CSPG5: variants seen among roughly 807,000 people sequenced by gnomAD.
CSPG5 encodes the protein acidic leucine-rich EGF-like domain-containing brain protein.
In CSPG5, 25 loss-of-function variants were observed where a neutral mutation model predicts 39.8. That is an observed-to-expected ratio of 0.63 (90% CI 0.46 to 0.88). The LOEUF is 0.88. Among genes scored for constraint, CSPG5 ranks in the 40% least tolerant of loss-of-function variants. The probability of loss-of-function intolerance (pLI) is 0.00; values close to 1 mark genes in which losing one functional copy is unlikely to be tolerated. For missense variants in CSPG5, 627 were observed against 702.2 expected (o/e 0.89, Z 1.21); for synonymous variants, 295 against 303.9 (o/e 0.97, Z 0.31).
Position 47,577,034 on chromosome 3 carries a change from G to C in CSPG5, c.992C>G (p.Ser331Trp), listed in dbSNP as rs1420957003. ...GAGGGCGATGCTGCTGCCGGGGACC[G>C]ACCCCAGAGTGTGCTGTGGAGGGAC... ...HAVPPQHTLG[S>W]VPGSSIALRP... Residue 331 changes from serine to tryptophan, a missense_variant, in exon 2 of 5, where the codon TCG becomes TGG. Coordinates refer to ENST00000264723, the MANE Select transcript of CSPG5 (RefSeq NM_006574.4). The surrounding 1 kb of genome is among the most constrained non-coding windows in gnomAD (Gnocchi z 4.7). 3.7e-6 allele frequency: 6 copies of C among 1,612,832 alleles called. No individual in the cohort carries two copies. The highest frequency in any genetic ancestry group is 5.1e-6 in the Non-Finnish European group (6 of 1,179,538).
At position 47,576,928 on chromosome 3, in the gene CSPG5, A is replaced by G. The variant is rs750989919; in HGVS notation, c.1098T>C (p.His366=). The G allele has an allele frequency of 7.1e-5, 114 of 1,612,778 alleles. No individual in the cohort carries two copies. The highest frequency in any genetic ancestry group is 9.3e-5 in the Non-Finnish European group (110 of 1,179,242). Residue 366 remains histidine (H), a synonymous_variant, in exon 2 of 5, where the codon CAT becomes CAC. Transcript: ENST00000264723. The part of the protein sequence containing the change: ...GTECRSGFVR[H]NGSCRSVCDL... ...CGCACACTGACCGGCAGGAGCCGTT[A>G]TGCCGCACAAAGCCACTGCGGCACT... is the stretch of plus-strand genomic sequence containing the variant.
intron 3 of CSPG5, among the ~76,000 whole-genome samples, chr3:47,569,864 C>T (rs1003391098): frequency 2.6e-5 from 4 of 151,538 alleles, no homozygotes; most frequent in East Asian, 2.0e-4. Flanking sequence ...CTTTCCACCT[C>T]GGCCTCCCAA....
intron 3 of CSPG5, among the ~76,000 whole-genome samples, chr3:47,571,584 A>G (rs1227391024): frequency 6.6e-6 from 1 of 152,242 alleles, no homozygotes; most frequent in African/African-American, 2.4e-5. Flanking sequence ...GAGAGGCCGT[A>G]CCAGCCCCGC....
chr3:47,578,113 C>T lies in CSPG5; in HGVS notation c.98-185G>A. ...CCTCTAAGCCCCGTCCCGGAGTCTG[C>T]CCCCAAGACGAGGATCACACCCCGC... On this transcript the variant is annotated intron_variant, in intron 1 of 4. Coordinates refer to ENST00000264723, the MANE Select transcript of CSPG5 (RefSeq NM_006574.4). This position sits in a 1 kb window ranked among gnomAD's most constrained non-coding sequence, Gnocchi z 6.0. The T allele has an allele frequency of 1.1e-6, 1 of 927,712 alleles. No homozygotes were observed. The highest frequency in any genetic ancestry group is 1.4e-6 in the Non-Finnish European group (1 of 703,828). The allele number at this position is 927,712 out of a possible 1,614,324, so 57.5% of individuals were successfully genotyped here.
rs952263946 is a variant in CSPG5 at position 47,562,448 on chromosome 3, C to G, written c.*152G>C. The G allele has an allele frequency of 6.6e-6, 5 of 762,774 alleles. No homozygotes were observed. The African/African-American group carries it at 8.8e-5, about 13-fold the overall frequency. 47.3% of individuals were successfully genotyped at this position (762,774 alleles called of 1,614,324 possible). ...GCTTATTTTAAGTATTTTTTTGCCT[C>G]CTGTACAAAATACATAAAAGCATGC... On this transcript the variant is annotated 3_prime_UTR_variant, in exon 5 of 5. Coordinates refer to ENST00000264723, the MANE Select transcript of CSPG5 (RefSeq NM_006574.4).
chr3:47,575,580 G>A (rs573278756), intron 2 of CSPG5, among the ~76,000 whole-genome samples: 3 of 152,330 alleles, frequency 2.0e-5, no homozygotes, highest in Admixed American at 6.5e-5. Flanking sequence ...TCCCAAGGTA[G>A]ACAAACATCA....
chr3:47,572,592 C>G lies in CSPG5; in HGVS notation c.1382+94G>C, dbSNP rs548411571. On this transcript the variant is annotated intron_variant, in intron 3 of 4. Coordinates refer to ENST00000264723, the MANE Select transcript of CSPG5 (RefSeq NM_006574.4). The surrounding 1 kb of genome is among the most constrained non-coding windows in gnomAD (Gnocchi z 4.5). ...GGAGCACAGGTGCCAGAAACCCTCA[C>G]GACAAAGTCCCTGGATCAGTTGGAG... 1 of 1,121,438 alleles carries G rather than the reference C, an allele frequency of 8.9e-7. No homozygotes were observed. The highest frequency in any genetic ancestry group is 1.3e-6 in the Non-Finnish European group (1 of 763,032). The allele number at this position is 1,121,438 out of a possible 1,614,324, so 69.5% of individuals were successfully genotyped here. A position where few individuals can be genotyped will look rare whatever the true frequency, so the allele number is the denominator to read the frequency against.
At chr3:47,568,823 C>T (rs1318952308) in intron 4 of CSPG5, among the ~76,000 whole-genome samples, 1 of 152,092 alleles carries the variant, frequency 6.6e-6, no homozygotes, top group African/African-American at 2.4e-5. Context: ...CGAGACCAGC[C>T]TGGGCAACAC....
At chr3:47,566,353 ATC>A (rs1178069893) in intron 4 of CSPG5, among the ~76,000 whole-genome samples, 1 of 151,876 alleles carries the variant, frequency 6.6e-6, no homozygotes, top group Non-Finnish European at 1.5e-5. Context: ...CATCTGGAGG[ATC>A]TCTCACTCTC....
chr3:47,576,693 T>C (rs1198831327), intron 2 of CSPG5, 140 bp downstream of exon 2: 107 of 951,370 alleles, frequency 1.1e-4, no homozygotes, highest in Middle Eastern at 2.7e-4. Flanking sequence ...CTCCTGACCT[T>C]AGGAGATCCG....
chr3:47,572,961 C>G lies in CSPG5; in HGVS notation c.1194-87G>C, dbSNP rs2031583256. The G allele has an allele frequency of 2.7e-6, 3 of 1,117,304 alleles. No individual in the cohort carries two copies. In the Admixed American group the frequency reaches 7.8e-5, roughly 29 times the overall value. 69.2% of individuals were successfully genotyped at this position (1,117,304 alleles called of 1,614,324 possible). ...CCTGGGCCCTGACCCCAACACCTAT[C>G]TCCACAGCCTGTTCCGAAGGCCATC... On this transcript the variant is annotated intron_variant, in intron 2 of 4. Transcript: ENST00000264723. This position sits in a 1 kb window ranked among gnomAD's most constrained non-coding sequence, Gnocchi z 4.5.
intron 4 of CSPG5, among the ~76,000 whole-genome samples, chr3:47,563,101 C>A (rs886118317): frequency 1.3e-5 from 2 of 152,276 alleles, no homozygotes; most frequent in Middle Eastern, 6.8e-3. Flanking sequence ...ATGAGCTCTG[C>A]GGGGCCTGCT....
At chr3:47,571,022 G>A (rs1262359940) in intron 3 of CSPG5, among the ~76,000 whole-genome samples, 7 of 151,696 alleles carry the variant, frequency 4.6e-5, no homozygotes, top group African/African-American at 1.7e-4. Flanking sequence ...GGAGGCTGAG[G>A]TGGAAGGATC....
chr3:47,568,342 G>A (rs2031390643), intron 4 of CSPG5, among the ~76,000 whole-genome samples: 1 of 152,238 alleles, frequency 6.6e-6, no homozygotes, highest in Non-Finnish European at 1.5e-5. Context: ...TGACTGGTCA[G>A]TCTAATCCAG....
intron 4 of CSPG5, 140 bp downstream of exon 4, chr3:47,569,012 A>C: frequency 7.2e-7 from 1 of 1,382,040 alleles, no homozygotes; most frequent in Non-Finnish European, 9.5e-7. Context: ...AATAGACATC[A>C]GACATGGGCC....
intron 3 of CSPG5, 139 bp from the exon 4 acceptor site, chr3:47,569,366 G>A (rs2031441385): frequency 1.3e-6 from 1 of 772,386 alleles, no homozygotes; most frequent in Non-Finnish European, 2.1e-6. Flanking sequence ...CACTTTGGGA[G>A]GCTATGGTGG....
chr3:47,575,052 A>G (rs1172251118), intron 2 of CSPG5, among the ~76,000 whole-genome samples: 1 of 152,222 alleles, frequency 6.6e-6, no homozygotes, highest in African/African-American at 2.4e-5. Context: ...GATATACTAC[A>G]TCAAGACCTA....
chr3:47,576,298 T>C (rs2031728097), intron 2 of CSPG5, among the ~76,000 whole-genome samples: 1 of 152,058 alleles, frequency 6.6e-6, no homozygotes, highest in Non-Finnish European at 1.5e-5. Flanking sequence ...AAAGACATAA[T>C]CTTATTTCTG....
Position 47,562,542 on chromosome 3 carries a change from A to C in CSPG5, c.*58T>G. On this transcript the variant is annotated 3_prime_UTR_variant, in exon 5 of 5. Transcript: ENST00000264723. ...AAATAGACTCTGTACAAGAGGAGAT[A>C]ATGTTTCTTCCCCTACCCCCCACCC... 1.4e-6 allele frequency: 2 copies of C among 1,460,338 alleles called. No homozygotes were observed. Among genetic ancestry groups the C allele is most frequent in the Non-Finnish European group, 1.9e-6 (2 of 1,052,936 alleles). 90.5% of individuals were successfully genotyped at this position (1,460,338 alleles called of 1,614,324 possible).
Sources: gnomAD v4.1 joint callset for allele counts (sites outside exome capture counted in the v4.1 genomes callset) on GRCh38, gnomAD v4.1.1 for gene constraint, Gnocchi (gnomAD v3.1) non-coding constraint, MANE v1.5 for transcripts, NCBI Gene and HGNC (gene_info 2026-07-23, HGNC 2026-07-21) for gene names.